LHX4: variants seen among roughly 807,000 people sequenced by gnomAD.
LHX4 encodes the protein LIM/homeobox protein Lhx4.
In LHX4, 16 loss-of-function variants were observed where a neutral mutation model predicts 39.2. The ratio of observed to expected loss-of-function variants is 0.41; its 90% CI spans 0.28 to 0.62. LHX4 has a LOEUF of 0.62. Among genes scored for constraint, LHX4 ranks in the 20% least tolerant of loss-of-function variants. The pLI, the probability that LHX4 is intolerant of heterozygous loss-of-function variation, is 0.33. For missense variants in LHX4, 439 were observed against 511.9 expected, an observed-to-expected ratio of 0.86 and a Z score of 1.37; for synonymous variants, 206 against 198.1, an observed-to-expected ratio of 1.04 and a Z score of -0.33.
intron 2 of LHX4, among the ~76,000 whole-genome samples, chr1:180,255,178 A>G (rs1647794218): frequency 6.6e-6 from 1 of 152,232 alleles, no homozygotes; most frequent in African/African-American, 2.4e-5. Flanking sequence ...CCACTGTCTC[A>G]AGCTTTCTTG....
In LHX4 at chr1:180,232,112, C is replaced by T. The variant is rs1664197802; in HGVS notation, c.76+1507C>T. The stretch of plus-strand genomic sequence containing the variant: ...CACAGGCAGGGACAGAGTGGGTTCT[C>T]AGCCCCTGCAAAGACGGAAACAGAA... On this transcript the variant is annotated intron_variant, in intron 1 of 5. Coordinates refer to ENST00000263726, the MANE Select transcript of LHX4 (RefSeq NM_033343.4). The surrounding 1 kb of genome is among the most constrained non-coding windows in gnomAD (Gnocchi z 5.4). Among the ~76,000 whole-genome samples the T allele has an allele frequency of 6.6e-6, 1 of 152,162 alleles. No individual in the cohort carries two copies. Among genetic ancestry groups the T allele is most frequent in the South Asian group, 2.1e-4 (1 of 4,826 alleles).
At chr1:180,272,130 C>T (rs1339894632) in intron 5 of LHX4, 124 bp downstream of exon 5, 1 of 832,172 alleles carries the variant, frequency 1.2e-6, no homozygotes, top group Non-Finnish European at 1.8e-6. Flanking sequence ...ACAGGCTTTT[C>T]CTTAAGACTT....
upstream of LHX4, among the ~76,000 whole-genome samples, chr1:180,229,415 G>A (rs959168926): frequency 2.7e-4 from 41 of 152,122 alleles, no homozygotes; most frequent in Non-Finnish European, 5.4e-4. Flanking sequence ...GCGGTCTGCG[G>A]GGACGCGCGC....
chr1:180,257,030 ACACCT>A (rs1286172322), intron 2 of LHX4, among the ~76,000 whole-genome samples: 3 of 152,210 alleles, frequency 2.0e-5, no homozygotes, highest in African/African-American at 7.2e-5. Flanking sequence ...GTTTACAAAA[ACACCT>A]GGTGGTCTGG....
intron 2 of LHX4, among the ~76,000 whole-genome samples, chr1:180,263,706 T>C (rs1047506226): frequency 6.6e-6 from 1 of 152,238 alleles, no homozygotes; most frequent in Non-Finnish European, 1.5e-5. Context: ...GGTATGTAGA[T>C]TAAATTTATA....
At chr1:180,228,766 C>A (rs1054598059), upstream of LHX4, among the ~76,000 whole-genome samples, 6 of 152,196 alleles carry the variant, frequency 3.9e-5, no homozygotes, top group African/African-American at 1.4e-4. Context: ...CATTCTCCCC[C>A]GCCCCATGCT....
intron 1 of LHX4, among the ~76,000 whole-genome samples, chr1:180,237,162 A>C (rs1664340266): frequency 6.9e-6 from 1 of 145,106 alleles, no homozygotes; most frequent in East Asian, 2.3e-4. Flanking sequence ...AAATCTTTGC[A>C]GGGAGAAACA....
intron 1 of LHX4, among the ~76,000 whole-genome samples, chr1:180,240,319 C>A (rs894582174): frequency 2.6e-5 from 4 of 152,118 alleles, no homozygotes; most frequent in African/African-American, 9.7e-5. Context: ...CAGGTGTGAG[C>A]CACCGTGCCC....
At chr1:180,267,666 G>A (rs1422501529) in intron 3 of LHX4, among the ~76,000 whole-genome samples, 2 of 152,182 alleles carry the variant, frequency 1.3e-5, no homozygotes, top group African/African-American at 2.4e-5. Context: ...TCAACTCAGG[G>A]TGTTACTGTG....
Position 180,274,522 on chromosome 1 carries a change from C to A in LHX4, c.1116C>A (p.Pro372=), listed in dbSNP as rs369174314. The change falls in exon 6 of 6, where the codon CCC becomes CCA. Residue 372 remains proline (P), a synonymous_variant. Coordinates refer to ENST00000263726, the MANE Select transcript of LHX4 (RefSeq NM_033343.4). ...DISTGSSVGY[P]DFPTSPGSWL... Reference sequence around the variant, plus strand: ...CCACAGGAAGCAGTGTAGGCTATCCCGACTTTCCAACTAGCCCAGGCTCTT... The same window carrying A: ...CCACAGGAAGCAGTGTAGGCTATCCAGACTTTCCAACTAGCCCAGGCTCTT... 2.3e-5 allele frequency: 37 copies of A among 1,607,004 alleles called. No homozygotes were observed. The highest frequency in any genetic ancestry group is 2.6e-5 in the Non-Finnish European group (30 of 1,176,276).
chr1:180,274,300 C>T lies in LHX4; in HGVS notation c.894C>T (p.Ser298=), dbSNP rs749029677. ...TCTCCATGGACGGGACAGGACAATC[C>T]TATCAGGACTTGAGGGATGGGAGCC... ...GSFSMDGTGQ[S]YQDLRDGSPY... is the part of the protein sequence containing the mutation. The change falls in exon 6 of 6, where the codon TCC becomes TCT. Residue 298 remains serine, a synonymous_variant. Coordinates refer to ENST00000263726, the MANE Select transcript of LHX4 (RefSeq NM_033343.4). 1 of 1,614,208 alleles carries T rather than the reference C, an allele frequency of 6.2e-7. No individual in the cohort carries two copies. Among genetic ancestry groups the T allele is most frequent in the South Asian group, 1.1e-5 (1 of 91,082 alleles).
At chr1:180,269,699 C>A (rs1027343481) in intron 3 of LHX4, 5 of 152,200 alleles carry the variant, frequency 3.3e-5, no homozygotes, top group African/African-American at 1.2e-4. Flanking sequence ...AAAGATTGTA[C>A]ACAAGTGCAC....
rs551151515 is a variant in LHX4 at position 180,253,804 on chromosome 1, T to C, written c.248+5348T>C. On this transcript the variant is annotated intron_variant, in intron 2 of 5. Transcript: ENST00000263726. ...GCAGGGTCAGGTAGTCAGAGTTCCCTCAGGGCGGGGCCTGCGCTGGCTTTC... is the reference window on the plus strand; with the variant it reads ...GCAGGGTCAGGTAGTCAGAGTTCCCCCAGGGCGGGGCCTGCGCTGGCTTTC... Among the ~76,000 whole-genome samples, 10 of 152,326 alleles carry C rather than the reference T, an allele frequency of 6.6e-5. No individual in the cohort carries two copies. In the South Asian group the frequency reaches 2.1e-3, roughly 32 times the overall value.
intron 2 of LHX4, among the ~76,000 whole-genome samples, chr1:180,251,734 G>A (rs1647638507): frequency 6.6e-6 from 1 of 152,182 alleles, no homozygotes; most frequent in Non-Finnish European, 1.5e-5. Flanking sequence ...CCATCATTTA[G>A]CCACGGTCAC....
At chr1:180,270,914 AGGTG>A in intron 3 of LHX4, 1 of 244,452 alleles carries the variant, frequency 4.1e-6, no homozygotes, top group South Asian at 5.0e-5. Flanking sequence ...GCCAGGGCAA[AGGTG>A]ACATGGCTGT....
intron 1 of LHX4, among the ~76,000 whole-genome samples, chr1:180,242,747 G>T (rs938850732): frequency 1.3e-5 from 2 of 152,158 alleles, no homozygotes; most frequent in Admixed American, 6.5e-5. Flanking sequence ...ACCCTCTGCA[G>T]AGCCCCAGCA....
intron 1 of LHX4, among the ~76,000 whole-genome samples, chr1:180,241,787 ATTTTT>A (rs1222339049): frequency 1.1e-4 from 16 of 151,462 alleles, no homozygotes; most frequent in African/African-American, 3.7e-4. Flanking sequence ...TTTTGTTTTG[ATTTTT>A]TTTGTTTTTG....
chr1:180,255,574 C>A (rs568175865), intron 2 of LHX4, among the ~76,000 whole-genome samples: 1 of 152,238 alleles, frequency 6.6e-6, no homozygotes, highest in East Asian at 1.9e-4. Context: ...AGTGGCTGTG[C>A]GTGTGGACAT....
At chr1:180,236,808 A>C (rs1433700795) in intron 1 of LHX4, among the ~76,000 whole-genome samples, 1 of 152,216 alleles carries the variant, frequency 6.6e-6, no homozygotes, top group Non-Finnish European at 1.5e-5. Flanking sequence ...AAGAGAGGAC[A>C]AAAGGAGTAA....
Sources: allele counts gnomAD v4.1 joint callset (sites outside exome capture counted in the v4.1 genomes callset), GRCh38; gene constraint gnomAD v4.1.1; non-coding constraint Gnocchi (gnomAD v3.1); transcripts MANE v1.5; gene names NCBI Gene and HGNC (gene_info 2026-07-23, HGNC 2026-07-21).